Variants in FBXO41 observed in about 807,000 individuals in gnomAD.
FBXO41 encodes the protein F-box only protein 41.
Under a neutral mutation model 81.6 loss-of-function variants are expected in FBXO41, and 33 were observed. The observed-to-expected ratio is 0.40, with a 90% CI of 0.31 to 0.54. FBXO41 has a LOEUF of 0.54. Ranked by LOEUF, FBXO41 falls within the 20% of genes least tolerant of loss-of-function variation. FBXO41 has a pLI of 0.39. For synonymous variants in FBXO41, 576 were observed against 552.7 expected (o/e 1.04, Z -0.59); for missense variants, 1,107 against 1,236.0 (o/e 0.90, Z 1.56).
chr2:73,265,821 G>A (rs953581355), intron 4 of FBXO41, 72 bp downstream of exon 4: 228 of 1,511,342 alleles, frequency 1.5e-4, no homozygotes, highest in Non-Finnish European at 1.9e-4. Context: ...GGTGACACAA[G>A]CCCCAGACAG....
Position 73,257,471 on chromosome 2 carries a change from T to TGGGTCCCTGGGAAGGACTGGGTAACGAG in FBXO41, c.*1483_*1510dup, listed in dbSNP as rs1687857318. The TGGGTCCCTGGGAAGGACTGGGTAACGAG allele has an allele frequency of 6.6e-6, 1 of 152,086 alleles. No individual in the cohort carries two copies. The highest frequency in any genetic ancestry group is 2.4e-5 in the African/African-American group (1 of 41,374). The allele number at this position is 152,086 out of a possible 1,614,324, so 9.4% of individuals were successfully genotyped here. Reference sequence around the variant, plus strand: ...TCCAAGCCAGGTTGTGTTAGGAAGTTGGGTCCCTGGGAAGGACTGGGTAAC... The same window carrying TGGGTCCCTGGGAAGGACTGGGTAACGAG: ...TCCAAGCCAGGTTGTGTTAGGAAGTTGGGTCCCTGGGAAGGACTGGGTAACGAGGGGTCCCTGGGAAGGACTGGGTAAC... On this transcript the variant is annotated 3_prime_UTR_variant, in exon 13 of 13. Transcript: ENST00000520530. The surrounding 1 kb of genome is among the most constrained non-coding windows in gnomAD (Gnocchi z 4.6).
At position 73,269,095 on chromosome 2, in the gene FBXO41, G is replaced by C. The variant is rs747438646; in HGVS notation, c.536C>G (p.Pro179Arg). The part of the protein sequence containing the change: ...STPPPGPGPG[P>R]CPGPASASPA... The stretch of plus-strand genomic sequence containing the variant: ...CGAAGCGGAGGCAGGCCCGGGGCAA[G>C]GGCCGGGGCCGGGGCCAGGCGGCGG... Residue 179 changes from proline (P) to arginine (R), a missense_variant, in exon 2 of 13, where the codon CCT becomes CGT. This residue lies in a region of FBXO41 where 771 missense variants were observed against 789.2 expected (regional missense o/e 0.98). Transcript: ENST00000520530. This position sits in a 1 kb window ranked among gnomAD's most constrained non-coding sequence, Gnocchi z 7.0. 2.3e-5 allele frequency: 34 copies of C among 1,495,610 alleles called. 3 individuals are homozygous for C. The South Asian group carries it at 4.3e-4, about 19-fold the overall frequency. The allele number at this position is 1,495,610 out of a possible 1,614,324, so 92.6% of individuals were successfully genotyped here. A position where few individuals can be genotyped will look rare whatever the true frequency, so the allele number is the denominator to read the frequency against.
chr2:73,263,434 T>C (rs1688091667), intron 8 of FBXO41, 126 bp from the exon 9 acceptor site: 1 of 774,762 alleles, frequency 1.3e-6, no homozygotes, highest in Non-Finnish European at 2.0e-6. Context: ...GCTTGGGCAA[T>C]ACGGCGAGAC....
chr2:73,259,062 GGTTA>G lies in FBXO41; in HGVS notation c.2566-22_2566-19del. 1.2e-6 allele frequency: 2 copies of G among 1,606,182 alleles called. No individual in the cohort carries two copies. Among genetic ancestry groups the G allele is most frequent in the Non-Finnish European group, 1.7e-6 (2 of 1,176,120 alleles). On this transcript the variant is annotated intron_variant, in intron 12 of 12. Transcript: ENST00000520530. The surrounding 1 kb of genome is among the most constrained non-coding windows in gnomAD (Gnocchi z 4.2). Reference sequence around the variant, plus strand: ...CGCAGAGCCTGCGGACCGAACCCTGGGTTAGTTCTCCCTCCGTGCCAGGCAGGTG... The same window carrying G: ...CGCAGAGCCTGCGGACCGAACCCTGGGTTCTCCCTCCGTGCCAGGCAGGTG...
In FBXO41 at chr2:73,256,014, G is replaced by A. The variant is rs1375388117; in HGVS notation, c.*2968C>T. On this transcript the variant is annotated 3_prime_UTR_variant, in exon 13 of 13. Transcript: ENST00000520530. ...ACCTTCATTTCCTGCCGGTGCTGTGGGGAAGCAGCCTGAATAAAGCATGAA... is the reference window on the plus strand; with the variant it reads ...ACCTTCATTTCCTGCCGGTGCTGTGAGGAAGCAGCCTGAATAAAGCATGAA... 1 of 152,164 alleles carries A rather than the reference G, an allele frequency of 6.6e-6. No homozygotes were observed. The highest frequency in any genetic ancestry group is 1.5e-5 in the Non-Finnish European group (1 of 68,072). 9.4% of individuals were successfully genotyped at this position (152,164 alleles called of 1,614,324 possible). A position where few individuals can be genotyped will look rare whatever the true frequency, so the allele number is the denominator to read the frequency against.
intron 1 of FBXO41, among the ~76,000 whole-genome samples, chr2:73,277,580 T>A (rs1044069519): frequency 8.8e-5 from 13 of 147,642 alleles, no homozygotes; most frequent in Admixed American, 6.8e-4. Flanking sequence ...AAGCCTACTC[T>A]CTTTCAAGTC....
In FBXO41 at chr2:73,269,926, G is replaced by A. The variant is rs1004337939; in HGVS notation, c.-138-158C>T. 1.3e-5 allele frequency among the ~76,000 whole-genome samples: 2 copies of A among 152,172 alleles called. No individual in the cohort carries two copies. Among genetic ancestry groups the A allele is most frequent in the Non-Finnish European group, 2.9e-5 (2 of 68,026 alleles). On this transcript the variant is annotated intron_variant, in intron 1 of 12. Coordinates refer to ENST00000520530, the MANE Select transcript of FBXO41 (RefSeq NM_001371389.2). The surrounding 1 kb of genome is among the most constrained non-coding windows in gnomAD (Gnocchi z 7.0). Reference sequence around the variant, plus strand: ...GGCCTGCTCTGGCACCTGTGCGAGGGCCTGTATGTGTGCAAGAGACAGCGA... The same window carrying A: ...GGCCTGCTCTGGCACCTGTGCGAGGACCTGTATGTGTGCAAGAGACAGCGA...
chr2:73,267,552 G>C (rs1301041796), intron 2 of FBXO41, among the ~76,000 whole-genome samples: 1 of 152,206 alleles, frequency 6.6e-6, no homozygotes, highest in East Asian at 1.9e-4. Flanking sequence ...CTAGGTATTG[G>C]GGAAATAGCA....
Position 73,268,994 on chromosome 2 carries a change from G to A in FBXO41, c.637C>T (p.Leu213=), listed in dbSNP as rs1348574982. 1 of 1,538,898 alleles carries A rather than the reference G, an allele frequency of 6.5e-7. No individual in the cohort carries two copies. Among genetic ancestry groups the A allele is most frequent in the Non-Finnish European group, 8.7e-7 (1 of 1,146,446 alleles). Reference sequence around the variant, plus strand: ...CGCTCCAGCCGCCGGTCCACCTCCAGCTTCTCCAGCGCGCGGATCTTGAGG... The same window carrying A: ...CGCTCCAGCCGCCGGTCCACCTCCAACTTCTCCAGCGCGCGGATCTTGAGG... ...ARLKIRALEK[L]EVDRRLERLS... Residue 213 remains leucine (L), a synonymous_variant, in exon 2 of 13, where the codon CTG becomes TTG. Transcript: ENST00000520530.
chr2:73,272,739 C>T (rs776485229), intron 1 of FBXO41, among the ~76,000 whole-genome samples: 7 of 152,216 alleles, frequency 4.6e-5, no homozygotes, highest in Non-Finnish European at 7.4e-5. Context: ...CTCCCTCCTT[C>T]TACACCACCA....
rs199934653 is a variant in FBXO41, at chr2:73,278,081, A to C, written c.-139+6079T>G. On this transcript the variant is annotated intron_variant, in intron 1 of 12. Transcript: ENST00000520530. ...TGAGCCAACAGAGTCCTCTATTGGG[A>C]GTTTATATGAAAGATAAAGTAGTCC... Among the ~76,000 whole-genome samples the C allele has an allele frequency of 8.5e-5, 13 of 152,218 alleles. No individual in the cohort carries two copies. The East Asian group carries it at 2.5e-3, about 29-fold the overall frequency.
In FBXO41 at chr2:73,268,939, G is replaced by A; in HGVS notation, c.692C>T (p.Ala231Val). The A allele has an allele frequency of 1.9e-6, 3 of 1,539,594 alleles. No individual in the cohort carries two copies. The highest frequency in any genetic ancestry group is 1.7e-6 in the Non-Finnish European group (2 of 1,146,114). Residue 231 changes from alanine to valine, a missense_variant, in exon 2 of 13, where the codon GCG (alanine) becomes GTG (valine). By Grantham distance (64) the Ala-to-Val change is moderately conservative. Transcript: ENST00000520530. ...GGCCTGCAGCCGGCCCACCTGGCCC[G>A]CGATCTTCTGCTCCACCTCCTCGCT... ...RLSEEVEQKI[A>V]GQVGRLQAEL...
chr2:73,258,931 GAGAGTGCCCTGGTGTGGGGCTGGCA>G lies in FBXO41; in HGVS notation c.*26_*50del. 1 of 1,523,168 alleles carries G rather than the reference GAGAGTGCCCTGGTGTGGGGCTGGCA, an allele frequency of 6.6e-7. No homozygotes were observed. Among genetic ancestry groups the G allele is most frequent in the African/African-American group, 1.4e-5 (1 of 71,798 alleles). The allele number at this position is 1,523,168 out of a possible 1,614,324, so 94.4% of individuals were successfully genotyped here. A position where few individuals can be genotyped will look rare whatever the true frequency, so the allele number is the denominator to read the frequency against. The stretch of plus-strand genomic sequence containing the variant: ...AACCAGGGTCCCTCTGAGGTCCAAA[GAGAGTGCCCTGGTGTGGGGCTGGCA>G]GGGGCCCTGCCGCCCCCTACCCGGG... On this transcript the variant is annotated 3_prime_UTR_variant, in exon 13 of 13. Transcript: ENST00000520530.
At chr2:73,265,757 C>A in intron 4 of FBXO41, 117 bp from the exon 5 acceptor site, 1 of 1,430,284 alleles carries the variant, frequency 7.0e-7, no homozygotes, top group South Asian at 1.4e-5. Flanking sequence ...CCAAAAGCCC[C>A]CTCTGGGTGT....
intron 9 of FBXO41, among the ~76,000 whole-genome samples, chr2:73,262,317 GAC>G (rs1339942643): frequency 6.6e-6 from 1 of 152,180 alleles, no homozygotes; most frequent in African/African-American, 2.4e-5. Flanking sequence ...GGGGAGCAGT[GAC>G]ACACTCTACC....
At chr2:73,283,073 GA>G (rs202009291) in intron 1 of FBXO41, among the ~76,000 whole-genome samples, 2,867 of 152,350 alleles carry the variant, frequency 0.019, 103 homozygotes, top group Admixed American at 0.087. Flanking sequence ...CCAAAGAAAT[GA>G]AGCTCTAAGC....
chr2:73,270,842 G>A (rs377215267), intron 1 of FBXO41: 1 of 534,168 alleles, frequency 1.9e-6, no homozygotes, highest in African/African-American at 1.9e-5. Context: ...CTTCCTAACT[G>A]CCTGCAATAG....
At chr2:73,264,821 C>T (rs867255446) in intron 5 of FBXO41, among the ~76,000 whole-genome samples, 44 of 152,088 alleles carry the variant, frequency 2.9e-4, no homozygotes, top group African/African-American at 9.9e-4. Flanking sequence ...GTTGGGGGGG[C>T]GGTGGTGCTG....
At chr2:73,273,190 A>T (rs750735847) in intron 1 of FBXO41, 1 of 152,218 alleles carries the variant, frequency 6.6e-6, no homozygotes, top group Non-Finnish European at 1.5e-5. Flanking sequence ...TGCCATTGCC[A>T]AGATGTTGAA....
Sources: allele counts gnomAD v4.1 joint callset (sites outside exome capture counted in the v4.1 genomes callset), GRCh38; gene constraint gnomAD v4.1.1; regional missense constraint gnomAD v4.1.1; non-coding constraint Gnocchi (gnomAD v3.1); transcripts MANE v1.5; gene names NCBI Gene and HGNC (gene_info 2026-07-23, HGNC 2026-07-21).